EFEMP1: variants seen among roughly 807,000 people sequenced by gnomAD.
The protein encoded by EFEMP1 is EGF-like fibulin extracellular matrix protein 1, also known as EGF-containing fibulin-like extracellular matrix protein 1.
Under a neutral mutation model 65.7 loss-of-function variants are expected in EFEMP1, and 18 were observed. The observed-to-expected ratio is 0.27, with a 90% CI of 0.19 to 0.41. The LOEUF is 0.41. Ranked by LOEUF, EFEMP1 falls within the 10% of genes least tolerant of loss-of-function variation. The pLI, the probability that EFEMP1 is intolerant of heterozygous loss-of-function variation, is 1.00. For synonymous variants in EFEMP1, 237 were observed against 219.7 expected (o/e 1.08, Z -0.70); for missense variants, 469 against 624.8 (o/e 0.75, Z 2.66).
intron 9 of EFEMP1, among the ~76,000 whole-genome samples, chr2:55,872,451 T>C (rs1668845892): frequency 6.6e-6 from 1 of 152,182 alleles, no homozygotes; most frequent in South Asian, 2.1e-4. Flanking sequence ...TTTCATCACC[T>C]AGCATTAATG....
At chr2:55,905,455 TTGTG>T (rs970253539) in intron 5 of EFEMP1, among the ~76,000 whole-genome samples, 1 of 152,088 alleles carries the variant, frequency 6.6e-6, no homozygotes. Flanking sequence ...TAATTCTTTT[TTGTG>T]TGTGTGTGAC....
chr2:55,910,982 A>G (rs1206652576), intron 5 of EFEMP1, among the ~76,000 whole-genome samples: 1 of 152,208 alleles, frequency 6.6e-6, no homozygotes, highest in Non-Finnish European at 1.5e-5. Context: ...CATGAACTTA[A>G]GGAGGAGCCC....
chr2:55,882,934 A>G (rs141849135), intron 5 of EFEMP1, among the ~76,000 whole-genome samples: 9 of 152,216 alleles, frequency 5.9e-5, no homozygotes, highest in African/African-American at 2.2e-4. Flanking sequence ...TCTTCCCTCT[A>G]AGAATCTCTG....
At position 55,922,537 on chromosome 2, in the gene EFEMP1, G is replaced by A. The variant is rs954965432; in HGVS notation, c.-7-90C>T. On this transcript the variant is annotated intron_variant, in intron 2 of 11. Coordinates refer to ENST00000355426, the MANE Select transcript of EFEMP1 (RefSeq NM_001039348.3). This position sits in a 1 kb window ranked among gnomAD's most constrained non-coding sequence, Gnocchi z 5.5. ...GCAGTGAGCACAAGCGAGGAAAGGA[G>A]GGTGGGAGAGGCTGAGGCTCCACCA... 10 of 1,178,214 alleles carry A rather than the reference G, an allele frequency of 8.5e-6. No homozygotes were observed. The African/African-American group carries it at 1.5e-4, about 18-fold the overall frequency. 73.0% of individuals were successfully genotyped at this position (1,178,214 alleles called of 1,614,324 possible).
rs1558493780 is a variant in EFEMP1 at position 55,923,250 on chromosome 2, G to C, written c.-48-311C>G. Among the ~76,000 whole-genome samples the C allele has an allele frequency of 6.6e-6, 1 of 152,132 alleles. No individual in the cohort carries two copies. The highest frequency in any genetic ancestry group is 1.5e-5 in the Non-Finnish European group (1 of 68,030). ...TCAGGCTGCCTAGGACCGGAACCAG[G>C]GATCGCACCGCAGCCCAAGGTACCA... On this transcript the variant is annotated intron_variant, in intron 1 of 11. Coordinates refer to ENST00000355426, the MANE Select transcript of EFEMP1 (RefSeq NM_001039348.3). The surrounding 1 kb of genome is among the most constrained non-coding windows in gnomAD (Gnocchi z 5.3).
In EFEMP1 at chr2:55,877,631, A is replaced by G. The variant is rs1669086973; in HGVS notation, c.760+115T>C. 1.4e-6 allele frequency: 2 copies of G among 1,479,292 alleles called. No individual in the cohort carries two copies. Among genetic ancestry groups the G allele is most frequent in the South Asian group, 2.3e-5 (2 of 86,638 alleles). The allele number at this position is 1,479,292 out of a possible 1,614,324, so 91.6% of individuals were successfully genotyped here. On this transcript the variant is annotated intron_variant, in intron 7 of 11. Transcript: ENST00000355426. The surrounding 1 kb of genome is among the most constrained non-coding windows in gnomAD (Gnocchi z 4.5). ...TATCTTTTAAGCTTTATGATTGCTG[A>G]AGGGAAGTCGATGGAAACTATTTAC... is the stretch of plus-strand genomic sequence containing the variant.
rs1195469903 is a variant in EFEMP1, at chr2:55,875,027, A to G, written c.919T>C (p.Tyr307His). Residue 307 changes from tyrosine to histidine, a missense_variant, in exon 9 of 12, where the codon TAT becomes CAT. Coordinates refer to ENST00000355426, the MANE Select transcript of EFEMP1 (RefSeq NM_001039348.3). ...ECRTSSYLCQ[Y>H]QCVNEPGKFS... is the part of the protein sequence containing the mutation. ...TTCCCAGGTTCATTGACACATTGAT[A>G]TTGACACAGGTAGCTTGAGGTTCTG... is the stretch of plus-strand genomic sequence containing the variant. 67 of 1,607,666 alleles carry G rather than the reference A, an allele frequency of 4.2e-5. No individual in the cohort carries two copies. Among genetic ancestry groups the G allele is most frequent in the Non-Finnish European group, 5.5e-5 (65 of 1,176,410 alleles).
chr2:55,897,244 G>C lies in EFEMP1; in HGVS notation c.518-15510C>G, dbSNP rs572258730. On this transcript the variant is annotated intron_variant, in intron 5 of 11. Transcript: ENST00000355426. The stretch of plus-strand genomic sequence containing the variant: ...TGCATTTACTAGTTACTTAATTCAG[G>C]CTTGTTGAATAGTCTCACACTTTGA... Among the ~76,000 whole-genome samples the C allele has an allele frequency of 4.6e-5, 7 of 152,214 alleles. No homozygotes were observed. In the South Asian group the frequency reaches 1.2e-3, roughly 27 times the overall value.
At chr2:55,909,897 T>G (rs1670417830) in intron 5 of EFEMP1, among the ~76,000 whole-genome samples, 1 of 152,200 alleles carries the variant, frequency 6.6e-6, no homozygotes, top group African/African-American at 2.4e-5. Context: ...TCCTTCTACC[T>G]TGACTCTATT....
At chr2:55,891,068 A>T (rs114703719) in intron 5 of EFEMP1, among the ~76,000 whole-genome samples, 3,263 of 152,140 alleles carry the variant, frequency 0.021, 65 homozygotes, top group South Asian at 0.077. Flanking sequence ...TAACCCTAGT[A>T]CTCAATAGTT....
Position 55,917,663 on chromosome 2 carries a change from A to G in EFEMP1, c.517+2T>C. 6.2e-7 allele frequency: 1 copy of G among 1,614,150 alleles called. No individual in the cohort carries two copies. The highest frequency in any genetic ancestry group is 8.5e-7 in the Non-Finnish European group (1 of 1,179,998). On this transcript the variant is annotated splice_donor_variant, in intron 5 of 11. Transcript: ENST00000355426. LOFTEE classifies it high-confidence loss of function. This position sits in a 1 kb window ranked among gnomAD's most constrained non-coding sequence, Gnocchi z 6.3. ...ATGGTTAGGAAAATAAGTTATTCCT[A>G]CCTTGGCACACGTTGTGTTCACTTT...
At chr2:55,890,216 A>C (rs1007367657) in intron 5 of EFEMP1, among the ~76,000 whole-genome samples, 1 of 152,040 alleles carries the variant, frequency 6.6e-6, no homozygotes, top group African/African-American at 2.4e-5. Flanking sequence ...GAAAAAAAAG[A>C]TTATTAGAGA....
intron 5 of EFEMP1, among the ~76,000 whole-genome samples, chr2:55,895,544 C>CTT (rs11439731): frequency 0.057 from 7,907 of 138,494 alleles, 329 homozygotes; most frequent in Non-Finnish European, 0.08. Flanking sequence ...CACAAATTAT[C>CTT]TTTTTTTTTT....
intron 6 of EFEMP1, among the ~76,000 whole-genome samples, chr2:55,881,146 A>T (rs993885657): frequency 6.6e-6 from 1 of 152,196 alleles, no homozygotes; most frequent in East Asian, 1.9e-4. Context: ...TCCACAGTAC[A>T]AGTGAACATA....
rs1003485214 is a variant in EFEMP1, at chr2:55,917,114, C to T, written c.517+551G>A. 1.3e-5 allele frequency among the ~76,000 whole-genome samples: 2 copies of T among 152,106 alleles called. No homozygotes were observed. Among genetic ancestry groups the T allele is most frequent in the African/African-American group, 2.4e-5 (1 of 41,414 alleles). On this transcript the variant is annotated intron_variant, in intron 5 of 11. Transcript: ENST00000355426. This position sits in a 1 kb window ranked among gnomAD's most constrained non-coding sequence, Gnocchi z 6.3. ...GAGGAAAATAAGTCTGTGGCAAGTT[C>T]GATGAAAAGAAACTTGAGAAACCAA...
chr2:55,900,048 C>T (rs1669973956), intron 5 of EFEMP1, among the ~76,000 whole-genome samples: 1 of 152,052 alleles, frequency 6.6e-6, no homozygotes, highest in Admixed American at 6.6e-5. Flanking sequence ...ATTGATTAGA[C>T]ACTCAGTTGT....
At chr2:55,912,756 A>T (rs1446704692) in intron 5 of EFEMP1, among the ~76,000 whole-genome samples, 2 of 152,202 alleles carry the variant, frequency 1.3e-5, no homozygotes, top group Non-Finnish European at 2.9e-5. Flanking sequence ...AATGATTGAA[A>T]ATATAGCTGA....
chr2:55,896,545 G>T (rs1226430630), intron 5 of EFEMP1, among the ~76,000 whole-genome samples: 1 of 152,122 alleles, frequency 6.6e-6, no homozygotes, highest in East Asian at 1.9e-4. Context: ...CCTTATGTTT[G>T]ATAAAAATTT....
At chr2:55,900,413 C>G (rs539211943) in intron 5 of EFEMP1, among the ~76,000 whole-genome samples, 1 of 152,058 alleles carries the variant, frequency 6.6e-6, no homozygotes, top group Non-Finnish European at 1.5e-5. Flanking sequence ...CCCATTTATC[C>G]CACAACCCAC....
Sources: gnomAD v4.1 joint callset for allele counts (sites outside exome capture counted in the v4.1 genomes callset) on GRCh38, gnomAD v4.1.1 for gene constraint, Gnocchi (gnomAD v3.1) non-coding constraint, MANE v1.5 for transcripts, NCBI Gene and HGNC (gene_info 2026-07-23, HGNC 2026-07-21) for gene names.